Variants in CDH12 observed in about 807,000 individuals in gnomAD.
The protein encoded by CDH12 is cadherin-12.
A neutral mutation model predicts 74.1 loss-of-function variants in CDH12; 41 were observed. That is an observed-to-expected ratio of 0.55 (90% CI 0.43 to 0.72). The LOEUF is 0.72. CDH12 is among the 30% of genes least tolerant of loss of function. CDH12 has a pLI of 0.00. For missense variants in CDH12, 945 were observed against 977.2 expected, an observed-to-expected ratio of 0.97 and a Z score of 0.44; for synonymous variants, 399 against 355.0, an observed-to-expected ratio of 1.12 and a Z score of -1.39.
chr5:22,480,638 G>A (rs1325719111), intron 2 of CDH12, among the ~76,000 whole-genome samples: 1 of 151,038 alleles, frequency 6.6e-6, no homozygotes, highest in African/African-American at 2.4e-5. Flanking sequence ...GTGTCCAAAG[G>A]ACACATTGCC....
intron 3 of CDH12, among the ~76,000 whole-genome samples, chr5:22,277,580 C>G (rs1377436382): frequency 7.9e-5 from 12 of 152,046 alleles, no homozygotes; most frequent in Non-Finnish European, 2.9e-5. Context: ...CACCTGTAAT[C>G]CCAACATTTT....
At chr5:22,535,378 G>T (rs373440817) in intron 1 of CDH12, among the ~76,000 whole-genome samples, 1 of 151,866 alleles carries the variant, frequency 6.6e-6, no homozygotes, top group East Asian at 1.9e-4. Context: ...GGATGGTCTC[G>T]ATCTCCTGAC....
Position 21,869,961 on chromosome 5 carries a change from G to A in CDH12, c.527-15171C>T, listed in dbSNP as rs565666476. On this transcript the variant is annotated intron_variant, in intron 6 of 14. Transcript: ENST00000382254. ...TCCCATGTGTTGTGGGAGGGACCTG[G>A]TGGAAGAAAACTGAATTATGGGGGC... Among the ~76,000 whole-genome samples the A allele has an allele frequency of 2.6e-5, 4 of 152,210 alleles. No homozygotes were observed. The East Asian group carries it at 7.7e-4, about 29-fold the overall frequency.
chr5:22,706,033 CAG>C (rs1363296850), intron 1 of CDH12, among the ~76,000 whole-genome samples: 4 of 151,954 alleles, frequency 2.6e-5, no homozygotes, highest in African/African-American at 9.7e-5. Flanking sequence ...GGAGAGGTTT[CAG>C]AGAGTGAGTA....
intron 3 of CDH12, among the ~76,000 whole-genome samples, chr5:22,301,739 C>T (rs995209168): frequency 1.3e-5 from 2 of 152,018 alleles, no homozygotes; most frequent in African/African-American, 2.4e-5. Flanking sequence ...TCAAGAGATC[C>T]TCCCACTTCA....
chr5:22,082,347 G>T lies in CDH12; in HGVS notation c.-186-3485C>A, dbSNP rs114195743. ...CCAGCATCACTATTCTTGCACTTTG[G>T]GGCCATTATTAAGTAACCTAGGCTT... is the stretch of plus-strand genomic sequence containing the variant. On this transcript the variant is annotated intron_variant, in intron 4 of 14. Coordinates refer to ENST00000382254, the MANE Select transcript of CDH12 (RefSeq NM_004061.5). Among the ~76,000 whole-genome samples, 1,105 of 152,094 alleles carry T rather than the reference G, an allele frequency of 7.3e-3. 12 individuals carry two copies. Among genetic ancestry groups the T allele is most frequent in the African/African-American group, 0.026 (1,060 of 41,506 alleles).
intron 1 of CDH12, among the ~76,000 whole-genome samples, chr5:22,605,988 G>A (rs1471221646): frequency 6.6e-6 from 1 of 152,166 alleles, no homozygotes; most frequent in Non-Finnish European, 1.5e-5. Flanking sequence ...TGAGCTGTAG[G>A]GCAACTAGTA....
At chr5:22,504,329 C>T (rs1308911705) in intron 2 of CDH12, among the ~76,000 whole-genome samples, 1 of 151,922 alleles carries the variant, frequency 6.6e-6, no homozygotes, top group Non-Finnish European at 1.5e-5. Context: ...TAAAGCCTAA[C>T]CTTTACTGAA....
intron 1 of CDH12, among the ~76,000 whole-genome samples, chr5:22,510,663 A>T (rs1163207255): frequency 4.6e-5 from 7 of 152,138 alleles, no homozygotes; most frequent in African/African-American, 1.7e-4. Context: ...TCTTTAAATC[A>T]TCTCTAGATT....
chr5:22,594,799 C>T (rs1736520188), intron 1 of CDH12, among the ~76,000 whole-genome samples: 1 of 139,532 alleles, frequency 7.2e-6, no homozygotes, highest in Admixed American at 7.0e-5. Context: ...CAGGAACATA[C>T]TGCTGAGGGG....
chr5:22,289,937 C>T (rs115612613), intron 3 of CDH12, among the ~76,000 whole-genome samples: 3,803 of 152,196 alleles, frequency 0.025, 69 homozygotes, highest in African/African-American at 0.052. Flanking sequence ...CATAAGCCCA[C>T]ATCAGTGTTA....
At chr5:22,113,478 G>GAAAATGTTTAAAT (rs1744927471) in intron 4 of CDH12, among the ~76,000 whole-genome samples, 1 of 152,064 alleles carries the variant, frequency 6.6e-6, no homozygotes, top group South Asian at 2.1e-4. Context: ...AAACTCACCA[G>GAAAATGTTTAAAT]TTATCAATCA....
chr5:21,929,415 T>C (rs1754735927), intron 6 of CDH12, among the ~76,000 whole-genome samples: 1 of 151,682 alleles, frequency 6.6e-6, no homozygotes, highest in Non-Finnish European at 1.5e-5. Context: ...CATTAGATTT[T>C]CATAAGGAGT....
chr5:22,655,599 G>T (rs1739992301), intron 1 of CDH12, among the ~76,000 whole-genome samples: 1 of 152,138 alleles, frequency 6.6e-6, no homozygotes, highest in South Asian at 2.1e-4. Context: ...CCTGCATTTA[G>T]AACATAACAT....
chr5:21,840,315 A>G (rs960067042), intron 8 of CDH12, among the ~76,000 whole-genome samples: 2 of 152,166 alleles, frequency 1.3e-5, no homozygotes, highest in Non-Finnish European at 2.9e-5. Flanking sequence ...TGAATATGTT[A>G]CTTTAATAAA....
rs746572772 is a variant in CDH12, at chr5:21,755,856, C to T, written c.1634-14G>A. The T allele has an allele frequency of 2.5e-6, 4 of 1,613,302 alleles. No homozygotes were observed. The highest frequency in any genetic ancestry group is 1.7e-5 in the Admixed American group (1 of 59,982). ...CCGCTGTGTTGTCTACAAAACATGA[C>T]ATTTATGGTAACATGGTTACTATAA... On this transcript the variant is annotated splice_polypyrimidine_tract_variant and intron_variant, in intron 13 of 14. Coordinates refer to ENST00000382254, the MANE Select transcript of CDH12 (RefSeq NM_004061.5).
intron 6 of CDH12, among the ~76,000 whole-genome samples, chr5:21,938,201 T>G (rs1036697191): frequency 6.6e-6 from 1 of 151,896 alleles, no homozygotes; most frequent in Non-Finnish European, 1.5e-5. Context: ...CTCTCCAGAG[T>G]AGTTAAGCTC....
chr5:22,576,386 A>G (rs1739788938), intron 1 of CDH12, among the ~76,000 whole-genome samples: 1 of 152,178 alleles, frequency 6.6e-6, no homozygotes, highest in Non-Finnish European at 1.5e-5. Flanking sequence ...GGCAACCTTC[A>G]TGTTGGTGTT....
chr5:22,032,729 A>C (rs938393392), intron 5 of CDH12, among the ~76,000 whole-genome samples: 1 of 146,444 alleles, frequency 6.8e-6, no homozygotes, highest in Admixed American at 6.9e-5. Flanking sequence ...ATGTATATAC[A>C]TATTTTTGTA....
Sources: gnomAD v4.1 joint callset for allele counts (sites outside exome capture counted in the v4.1 genomes callset) on GRCh38, gnomAD v4.1.1 for gene constraint, MANE v1.5 for transcripts, NCBI Gene and HGNC (gene_info 2026-07-23, HGNC 2026-07-21) for gene names.